LARP7: variants seen among roughly 807,000 people sequenced by gnomAD.
LARP7 encodes la-related protein 7.
Under a neutral mutation model 69.3 loss-of-function variants are expected in LARP7, and 52 were observed. The observed-to-expected ratio is 0.75, with a 90% CI of 0.60 to 0.95. The LOEUF is 0.95. Ranked by LOEUF, LARP7 falls within the 40% of genes least tolerant of loss-of-function variation. The probability of loss-of-function intolerance (pLI) is 0.00; values close to 1 mark genes in which losing one functional copy is unlikely to be tolerated. For synonymous variants in LARP7, 254 were observed against 215.9 expected, an observed-to-expected ratio of 1.18 and a Z score of -1.55; for missense variants, 733 against 673.0, an observed-to-expected ratio of 1.09 and a Z score of -0.99.
chr4:112,646,131 CTA>C (rs2048213180), intron 2 of LARP7, among the ~76,000 whole-genome samples: 2 of 152,058 alleles, frequency 1.3e-5, no homozygotes, highest in African/African-American at 4.8e-5. Flanking sequence ...GCGTGCACCA[CTA>C]CACCCAGCTA....
At chr4:112,640,348 TGAAGTTA>T (rs1445451470) in intron 1 of LARP7, among the ~76,000 whole-genome samples, 1 of 152,248 alleles carries the variant, frequency 6.6e-6, no homozygotes, top group Non-Finnish European at 1.5e-5. Flanking sequence ...TAGGTACTGA[TGAAGTTA>T]AAGTTCCTGC....
In LARP7 at chr4:112,646,683, A is replaced by C. The variant is rs1366456728; in HGVS notation, c.387+12A>C. 6.3e-7 allele frequency: 1 copy of C among 1,584,786 alleles called. No homozygotes were observed. Among genetic ancestry groups the C allele is most frequent in the Admixed American group, 1.9e-5 (1 of 53,872 alleles). On this transcript the variant is annotated intron_variant, in intron 4 of 12. Coordinates refer to ENST00000344442, the MANE Select transcript of LARP7 (RefSeq NM_016648.4). ...GCACAGTGTATGTGGTAAGCTTAAGAACCCGGGTCCCCAGTCAGAAACTGG... is the reference window on the plus strand; with the variant it reads ...GCACAGTGTATGTGGTAAGCTTAAGCACCCGGGTCCCCAGTCAGAAACTGG...
In LARP7 at chr4:112,644,682, A is replaced by G. The variant is rs757343808; in HGVS notation, c.13A>G (p.Ser5Gly). 1.2e-6 allele frequency: 2 copies of G among 1,603,052 alleles called. No individual in the cohort carries two copies. Among genetic ancestry groups the G allele is most frequent in the South Asian group, 2.2e-5 (2 of 89,178 alleles). Residue 5 changes from serine to glycine, a missense_variant, in exon 2 of 13, where the codon AGT becomes GGT. Coordinates refer to ENST00000344442, the MANE Select transcript of LARP7 (RefSeq NM_016648.4). Reference sequence around the variant, plus strand: ...GTAATTCACAGGAATGGAAACTGAAAGTGGAAATCAGGAAAAGGTAATGGA... The same window carrying G: ...GTAATTCACAGGAATGGAAACTGAAGGTGGAAATCAGGAAAAGGTAATGGA... The part of the protein sequence containing the change: METE[S>G]GNQEKVMEEE...
intron 10 of LARP7, among the ~76,000 whole-genome samples, chr4:112,651,643 C>A (rs2048744799): frequency 6.6e-6 from 1 of 152,104 alleles, no homozygotes; most frequent in South Asian, 2.1e-4. Flanking sequence ...TCAATCCCTG[C>A]ATTAATCCAG....
chr4:112,644,290 C>CG (rs1369747535), intron 1 of LARP7: 66 of 125,918 alleles, frequency 5.2e-4, no homozygotes, highest in African/African-American at 5.1e-3. Context: ...GGGGCGGGGG[C>CG]GGGGGGGTGT....
intron 1 of LARP7, among the ~76,000 whole-genome samples, chr4:112,641,524 T>C (rs1414857918): frequency 6.6e-6 from 1 of 151,898 alleles, no homozygotes; most frequent in Non-Finnish European, 1.5e-5. Context: ...AGACTAGTAA[T>C]AAAGTTCTTG....
At chr4:112,640,894 G>T (rs1313713585) in intron 1 of LARP7, among the ~76,000 whole-genome samples, 2 of 152,172 alleles carry the variant, frequency 1.3e-5, no homozygotes, top group Non-Finnish European at 2.9e-5. Flanking sequence ...AATTCATACA[G>T]ATACGGTAAG....
At chr4:112,637,936 C>T (rs2047754231) in intron 1 of LARP7, 1 of 152,270 alleles carries the variant, frequency 6.6e-6, no homozygotes, top group African/African-American at 2.4e-5. Context: ...CCTGTTGTGG[C>T]ACACTTCTTT....
chr4:112,651,371 T>C (rs1337404981), intron 10 of LARP7, among the ~76,000 whole-genome samples: 1 of 152,138 alleles, frequency 6.6e-6, no homozygotes, highest in Non-Finnish European at 1.5e-5. Flanking sequence ...CCTATAGCTG[T>C]CACTAAGAAA....
At chr4:112,649,717 A>G (rs2048617485) in intron 9 of LARP7, 31 bp downstream of exon 9, 1 of 1,479,432 alleles carries the variant, frequency 6.8e-7, no homozygotes, top group Non-Finnish European at 9.2e-7. Flanking sequence ...TGACAACATT[A>G]TAATGTACTT....
At position 112,639,214 on chromosome 4, in the gene LARP7, T is replaced by TC. The variant is rs1237420926; in HGVS notation, c.-3+1975_-3+1976insC. Among the ~76,000 whole-genome samples the TC allele has an allele frequency of 2.7e-5, 4 of 150,488 alleles. No individual in the cohort carries two copies. In the East Asian group the frequency reaches 7.8e-4, roughly 29 times the overall value. On this transcript the variant is annotated intron_variant, in intron 1 of 12. Transcript: ENST00000344442. ...TAAAGCCAGTTAAATGTTACTTTTT[T>TC]TTTTTTTTTTTTTGAGACGGAGTCT...
intron 1 of LARP7, 112 bp from the exon 2 acceptor site, chr4:112,644,556 G>A: frequency 1.9e-6 from 2 of 1,030,114 alleles, no homozygotes; most frequent in Non-Finnish European, 1.3e-6. Flanking sequence ...TCTTCTGATG[G>A]CCAAATGTGA....
rs545448014 is a variant in LARP7 at position 112,650,732 on chromosome 4, C to T, written c.1416+150C>T. 4.9e-5 allele frequency: 40 copies of T among 815,852 alleles called. 1 individual carries two copies. In the South Asian group the frequency reaches 8.2e-4, roughly 17 times the overall value. The allele number at this position is 815,852 out of a possible 1,614,324, so 50.5% of individuals were successfully genotyped here. A position where few individuals can be genotyped will look rare whatever the true frequency, so the allele number is the denominator to read the frequency against. ...CTGTACAGTTTTAATTCCATGGTAA[C>T]TCTTAGGTTTAATTTTGAAGCAAAA... On this transcript the variant is annotated intron_variant, in intron 10 of 12. Coordinates refer to ENST00000344442, the MANE Select transcript of LARP7 (RefSeq NM_016648.4).
chr4:112,645,196 C>G (rs1427638877), intron 2 of LARP7, among the ~76,000 whole-genome samples: 2 of 152,052 alleles, frequency 1.3e-5, no homozygotes, highest in Non-Finnish European at 2.9e-5. Flanking sequence ...CTGCCCACCT[C>G]AGCCTCCCAA....
chr4:112,657,207 G>T, intron 12 of LARP7, 40 bp from the exon 13 acceptor site: 3 of 868,890 alleles, frequency 3.5e-6, no homozygotes, highest in Non-Finnish European at 5.0e-6. Context: ...TGTGTTTTGA[G>T]TATCCAATAC....
chr4:112,645,180 T>C (rs13142041), intron 2 of LARP7, among the ~76,000 whole-genome samples: 102,645 of 151,778 alleles, frequency 0.68, 35,184 homozygotes, highest in East Asian at 0.96. Flanking sequence ...CTCCTGACCT[T>C]GTGATCTGCC....
chr4:112,648,303 TAACCTTAA>T, intron 8 of LARP7: 1 of 527,538 alleles, frequency 1.9e-6, no homozygotes. Context: ...ACAAGCTTAG[TAACCTTAA>T]AACACAATAA....
chr4:112,653,238 T>TA lies in LARP7; in HGVS notation c.1576+6dup. On this transcript the variant is annotated splice_region_variant and intron_variant, in intron 11 of 12. Coordinates refer to ENST00000344442, the MANE Select transcript of LARP7 (RefSeq NM_016648.4). ...GCTGGAAACTCGAGATCCTTTCTGG[T>TA]AAAACTTCATAGACGTTTCCTTTTT... 1 of 1,573,962 alleles carries TA rather than the reference T, an allele frequency of 6.4e-7. No homozygotes were observed. The highest frequency in any genetic ancestry group is 1.2e-5 in the South Asian group (1 of 83,748).
rs778040449 is a variant in LARP7 at position 112,646,888 on chromosome 4, C to T, written c.485C>T (p.Thr162Ile). Residue 162 changes from threonine to isoleucine, a missense_variant, in exon 5 of 13, where the codon ACT (threonine) becomes ATT (isoleucine). Physicochemically the swap from Thr to Ile is moderately conservative, Grantham distance 89. Transcript: ENST00000344442. ...VYISIPHYKS[T>I]GDPKGFAFVE... ...ATAAGTATACCACATTATAAGTCTACTGGAGATCCAAAGGGATTTGCGTTT... is the reference window on the plus strand; with the variant it reads ...ATAAGTATACCACATTATAAGTCTATTGGAGATCCAAAGGGATTTGCGTTT... The T allele has an allele frequency of 6.2e-7, 1 of 1,609,090 alleles. No homozygotes were observed.
Sources: gnomAD v4.1 joint callset for allele counts (sites outside exome capture counted in the v4.1 genomes callset) on GRCh38, gnomAD v4.1.1 for gene constraint, MANE v1.5 for transcripts, NCBI Gene and HGNC (gene_info 2026-07-23, HGNC 2026-07-21) for gene names.